The following PRDM16 variants were observed in gnomAD, a reference collection of about 807,000 sequenced individuals.
PRDM16 encodes histone-lysine N-methyltransferase PRDM16.
In PRDM16, 23 loss-of-function variants were observed where a neutral mutation model predicts 110.6. That is an observed-to-expected ratio of 0.21 (90% CI 0.15 to 0.29). The LOEUF is 0.29. Among genes scored for constraint, PRDM16 ranks in the 10% least tolerant of loss-of-function variants. The pLI is 1.00. For missense variants in PRDM16, 1,615 were observed against 1,794.3 expected (o/e 0.90, Z 1.81); for synonymous variants, 799 against 781.8 (o/e 1.02, Z -0.37).
chr1:3,383,770 C>T (rs1290994636), intron 3 of PRDM16, among the ~76,000 whole-genome samples: 1 of 152,176 alleles, frequency 6.6e-6, no homozygotes, highest in Non-Finnish European at 1.5e-5. Flanking sequence ...CATCCTGACT[C>T]CCCTGGGTCC....
At chr1:3,087,867 G>A (rs115270068) in intron 1 of PRDM16, among the ~76,000 whole-genome samples, 1,695 of 152,044 alleles carry the variant, frequency 0.011, 30 homozygotes, top group African/African-American at 0.038. Flanking sequence ...AGGGAGGCAC[G>A]TTTCTGTTTG....
At chr1:3,106,408 G>A (rs1286355237) in intron 1 of PRDM16, among the ~76,000 whole-genome samples, 1 of 152,204 alleles carries the variant, frequency 6.6e-6, no homozygotes, top group Non-Finnish European at 1.5e-5. Flanking sequence ...GCCCCACTGG[G>A]GCCCGAGGGG....
intron 1 of PRDM16, among the ~76,000 whole-genome samples, chr1:3,117,534 G>T (rs1642989012): frequency 6.6e-6 from 1 of 152,056 alleles, no homozygotes; most frequent in Admixed American, 6.5e-5. Flanking sequence ...TACCACGCAG[G>T]CCTCGCCTAT....
Position 3,412,079 on chromosome 1 carries a change from G to A in PRDM16, c.1882G>A (p.Asp628Asn), listed in dbSNP as rs199895459. ...GGGGACGGGCTCGGACCTGGACAGC[G>A]ACGTGGACAGCGACCCTGACAAGGA... ...TTGTGSDLDSDVDSDPDKDKG... is the reference protein window; with the variant it reads ...TTGTGSDLDSNVDSDPDKDKG... The change falls in exon 9 of 17, where the codon GAC (aspartate) becomes AAC (asparagine). Residue 628 changes from aspartate (D) to asparagine (N), a missense_variant. Physicochemically the swap from Asp to Asn is conservative, Grantham distance 23. Around this residue, in one of 5 missense-constraint regions of PRDM16, gnomAD observed 772 missense variants for 748.3 expected, o/e 1.03. Transcript: ENST00000270722. 623 of 1,596,556 alleles carry A rather than the reference G, an allele frequency of 3.9e-4. No homozygotes were observed. Among genetic ancestry groups the A allele is most frequent in the Non-Finnish European group, 5.0e-4 (588 of 1,169,444 alleles).
chr1:3,269,901 A>G (rs964313177), intron 3 of PRDM16, among the ~76,000 whole-genome samples: 9 of 128,086 alleles, frequency 7.0e-5, no homozygotes, highest in Non-Finnish European at 1.3e-4. Context: ...GGAAAGTCCC[A>G]GAGGAGGACA....
chr1:3,127,745 C>A (rs1643240041), intron 1 of PRDM16, among the ~76,000 whole-genome samples: 1 of 152,266 alleles, frequency 6.6e-6, no homozygotes, highest in Non-Finnish European at 1.5e-5. Context: ...GAGCGAGAGG[C>A]CGGTTTGCCT....
At chr1:3,333,887 C>G (rs1642093915) in intron 3 of PRDM16, among the ~76,000 whole-genome samples, 3 of 152,300 alleles carry the variant, frequency 2.0e-5, no homozygotes, top group Middle Eastern at 3.4e-3. Context: ...CGCAGGCTCC[C>G]CTCCCCTTCT....
chr1:3,125,741 G>A (rs1643191527), intron 1 of PRDM16, among the ~76,000 whole-genome samples: 1 of 152,256 alleles, frequency 6.6e-6, no homozygotes, highest in African/African-American at 2.4e-5. Context: ...AACGAGTTTG[G>A]TCTGCGCGGG....
intron 3 of PRDM16, among the ~76,000 whole-genome samples, chr1:3,379,278 C>T (rs1408600245): frequency 1.0e-4 from 5 of 47,694 alleles, no homozygotes; most frequent in Non-Finnish European, 1.7e-4. Flanking sequence ...CCCAACACAC[C>T]CCTCCCAACA....
intron 4 of PRDM16, among the ~76,000 whole-genome samples, chr1:3,395,092 C>T (rs934830739): frequency 4.3e-4 from 66 of 152,250 alleles, no homozygotes; most frequent in African/African-American, 1.6e-3. Context: ...ATTACCGTCA[C>T]GCTGTGACTT....
chr1:3,084,304 G>A (rs1170528250), intron 1 of PRDM16, among the ~76,000 whole-genome samples: 6 of 152,130 alleles, frequency 3.9e-5, no homozygotes, highest in African/African-American at 1.4e-4. Flanking sequence ...CACAGGGGCC[G>A]CCTCTGGCCC....
At chr1:3,230,465 T>C (rs2100883867) in intron 2 of PRDM16, among the ~76,000 whole-genome samples, 1 of 152,158 alleles carries the variant, frequency 6.6e-6, no homozygotes, top group Non-Finnish European at 1.5e-5. Context: ...CCAGAGGAGG[T>C]TGAATATCCA....
chr1:3,384,609 T>C (rs1318630941), intron 3 of PRDM16, among the ~76,000 whole-genome samples: 1 of 152,224 alleles, frequency 6.6e-6, no homozygotes, highest in Non-Finnish European at 1.5e-5. Flanking sequence ...CTAGGCGTCT[T>C]CATGCTGCTG....
Position 3,437,370 on chromosome 1 carries a change from T to C in PRDM16, c.*3559T>C. On this transcript the variant is annotated 3_prime_UTR_variant, in exon 17 of 17. Transcript: ENST00000270722. ...TTGCCTGAATACATATCACGTATTT[T>C]AGACTCGAAGCCTCAAAGCACTGGA... 1 of 232,580 alleles carries C rather than the reference T, an allele frequency of 4.3e-6. No individual in the cohort carries two copies. Among genetic ancestry groups the C allele is most frequent in the Non-Finnish European group, 8.5e-6 (1 of 117,570 alleles). 14.4% of individuals were successfully genotyped at this position (232,580 alleles called of 1,614,324 possible). A position where few individuals can be genotyped will look rare whatever the true frequency, so the allele number is the denominator to read the frequency against.
intron 3 of PRDM16, among the ~76,000 whole-genome samples, chr1:3,367,612 G>A (rs1022060273): frequency 3.3e-5 from 5 of 152,180 alleles, no homozygotes; most frequent in South Asian, 2.1e-4. Flanking sequence ...CCAAAAACAC[G>A]TGCGGTCCTG....
At chr1:3,152,377 C>T (rs866367913) in intron 1 of PRDM16, among the ~76,000 whole-genome samples, 1 of 123,594 alleles carries the variant, frequency 8.1e-6, no homozygotes, top group Non-Finnish European at 1.6e-5. Flanking sequence ...TCCATCCATC[C>T]ATCCATTTAT....
At chr1:3,427,031 G>A (rs573937203) in intron 14 of PRDM16, among the ~76,000 whole-genome samples, 10 of 152,384 alleles carry the variant, frequency 6.6e-5, no homozygotes, top group Admixed American at 6.5e-4. Context: ...CATGGACAGT[G>A]TGTGCACATA....
chr1:3,345,668 C>A (rs1170076447), intron 3 of PRDM16, among the ~76,000 whole-genome samples: 7 of 152,162 alleles, frequency 4.6e-5, no homozygotes, highest in Non-Finnish European at 1.0e-4. Context: ...TGCAGCAGGA[C>A]CCCCTCTGTG....
chr1:3,395,494 T>C (rs1191000100), intron 4 of PRDM16, among the ~76,000 whole-genome samples: 2 of 152,110 alleles, frequency 1.3e-5, no homozygotes, highest in Non-Finnish European at 2.9e-5. Context: ...AGGCCTGCAG[T>C]TCCCTGGAAG....
Sources: gnomAD v4.1 joint callset for allele counts (sites outside exome capture counted in the v4.1 genomes callset) on GRCh38, gnomAD v4.1.1 for gene constraint, gnomAD v4.1.1 regional missense constraint, MANE v1.5 for transcripts, NCBI Gene and HGNC (gene_info 2026-07-23, HGNC 2026-07-21) for gene names.